ESPL1: variants seen among roughly 807,000 people sequenced by gnomAD.
ESPL1 encodes separin.
Under a neutral mutation model 217.2 loss-of-function variants are expected in ESPL1, and 50 were observed. The observed-to-expected ratio is 0.23, with a 90% CI of 0.18 to 0.29. The LOEUF (loss-of-function observed/expected upper bound fraction) is 0.29. Among genes scored for constraint, ESPL1 ranks in the 10% least tolerant of loss-of-function variants. ESPL1 has a pLI of 1.00. For synonymous variants in ESPL1, 994 were observed against 1,081.3 expected, an observed-to-expected ratio of 0.92 and a Z score of 1.58; for missense variants, 1,834 against 2,603.0, an observed-to-expected ratio of 0.70 and a Z score of 6.43.
Position 53,293,210 on chromosome 12 carries a change from G to T in ESPL1, c.6162-63G>T. The T allele has an allele frequency of 7.2e-7, 1 of 1,385,622 alleles. No homozygotes were observed. Among genetic ancestry groups the T allele is most frequent in the South Asian group, 1.2e-5 (1 of 85,832 alleles). 85.8% of individuals were successfully genotyped at this position (1,385,622 alleles called of 1,614,324 possible). On this transcript the variant is annotated intron_variant, in intron 30 of 30. Coordinates refer to ENST00000257934, the MANE Select transcript of ESPL1 (RefSeq NM_012291.5). The surrounding 1 kb of genome is among the most constrained non-coding windows in gnomAD (Gnocchi z 4.2). ...CACTCACCCACCCCCACCACCAATG[G>T]TGTTTTCCTATGTATTCTGTTTTAG...
Position 53,282,172 on chromosome 12 carries a change from T to G in ESPL1, c.2620-92T>G. The G allele has an allele frequency of 9.3e-7, 1 of 1,073,498 alleles. No homozygotes were observed. Among genetic ancestry groups the G allele is most frequent in the Non-Finnish European group, 1.4e-6 (1 of 710,044 alleles). 66.5% of individuals were successfully genotyped at this position (1,073,498 alleles called of 1,614,324 possible). On this transcript the variant is annotated intron_variant, in intron 13 of 30. Coordinates refer to ENST00000257934, the MANE Select transcript of ESPL1 (RefSeq NM_012291.5). This position sits in a 1 kb window ranked among gnomAD's most constrained non-coding sequence, Gnocchi z 4.0. ...TAAAATCTTTCTAATACCCAGGGCCTTCAGGGATGGGGCCACGTAATCTCC... is the reference window on the plus strand; with the variant it reads ...TAAAATCTTTCTAATACCCAGGGCCGTCAGGGATGGGGCCACGTAATCTCC...
In ESPL1 at chr12:53,269,875, G is replaced by A. The variant is rs994410896; in HGVS notation, c.933G>A (p.Val311=). The A allele has an allele frequency of 1.2e-6, 2 of 1,614,220 alleles. No individual in the cohort carries two copies. The highest frequency in any genetic ancestry group is 1.7e-6 in the Non-Finnish European group (2 of 1,180,042). ...TTGGGGAGGAAGGACCTCAGGCAGTGGCCAAGCTTCTGATCAAGGCATCAG... is the reference window on the plus strand; with the variant it reads ...TTGGGGAGGAAGGACCTCAGGCAGTAGCCAAGCTTCTGATCAAGGCATCAG... ...LQVGEEGPQA[V]AKLLIKASAV... The change falls in exon 3 of 31, where the codon GTG becomes GTA. Residue 311 remains valine, a synonymous_variant. Coordinates refer to ENST00000257934, the MANE Select transcript of ESPL1 (RefSeq NM_012291.5). The surrounding 1 kb of genome is among the most constrained non-coding windows in gnomAD (Gnocchi z 6.7).
intron 5 of ESPL1, among the ~76,000 whole-genome samples, chr12:53,271,760 A>G (rs1178394077): frequency 6.6e-6 from 1 of 152,194 alleles, no homozygotes; most frequent in Non-Finnish European, 1.5e-5. Flanking sequence ...GTTGATGGCC[A>G]AGAAGCTGCA....
intron 11 of ESPL1, among the ~76,000 whole-genome samples, chr12:53,278,334 C>T (rs1248502456): frequency 6.6e-6 from 1 of 151,724 alleles, no homozygotes; most frequent in African/African-American, 2.4e-5. Context: ...AAATATAGCC[C>T]GGTGCGGTGG....
At position 53,280,098 on chromosome 12, in the gene ESPL1, A is replaced by G. The variant is rs576323761; in HGVS notation, c.2499+232A>G. On this transcript the variant is annotated intron_variant, in intron 12 of 30. Transcript: ENST00000257934. ...AGTTTACAGACTGCTGCAGGAACCT[A>G]CCGCCAGTCTTGTATTTCCTAACTG... Among the ~76,000 whole-genome samples the G allele has an allele frequency of 3.3e-5, 5 of 152,138 alleles. No homozygotes were observed. The South Asian group carries it at 6.2e-4, about 19-fold the overall frequency.
intron 5 of ESPL1, among the ~76,000 whole-genome samples, chr12:53,271,245 C>A (rs1385682988): frequency 6.9e-6 from 1 of 145,240 alleles, no homozygotes; most frequent in African/African-American, 2.5e-5. Flanking sequence ...ACAATCACGG[C>A]TCAACACAGT....
At position 53,288,653 on chromosome 12, in the gene ESPL1, G is replaced by A. The variant is rs1326320899; in HGVS notation, c.4662G>A (p.Lys1554=). The change falls in exon 20 of 31, where the codon AAG becomes AAA. Residue 1554 remains lysine, a synonymous_variant. Coordinates refer to ENST00000257934, the MANE Select transcript of ESPL1 (RefSeq NM_012291.5). ...CATGCCCAGACAAGGAGAGTGACAA[G>A]GACCTTGGTCCTCGGCTCCGGCTCC... ...PSPCPDKESD[K]DLGPRLRLPS... The A allele has an allele frequency of 6.2e-7, 1 of 1,613,904 alleles. No homozygotes were observed. Among genetic ancestry groups the A allele is most frequent in the South Asian group, 1.1e-5 (1 of 91,072 alleles).
intron 6 of ESPL1, 76 bp downstream of exon 6, chr12:53,272,933 G>C: frequency 6.7e-7 from 1 of 1,503,642 alleles, no homozygotes. Context: ...GGCCTCACCA[G>C]CACCCTGCCT....
chr12:53,275,167 C>T (rs537136245), intron 7 of ESPL1, among the ~76,000 whole-genome samples, 157 bp downstream of exon 7: 3 of 151,964 alleles, frequency 2.0e-5, no homozygotes, highest in South Asian at 2.1e-4. Context: ...GGGCATTGGC[C>T]GTGCACAGTG....
chr12:53,293,612 C>T lies in ESPL1; in HGVS notation c.*138C>T, dbSNP rs1236462094. On this transcript the variant is annotated 3_prime_UTR_variant, in exon 31 of 31. Transcript: ENST00000257934. The surrounding 1 kb of genome is among the most constrained non-coding windows in gnomAD (Gnocchi z 4.2). ...GAAACATTTCCTTTTGATTTAACCT[C>T]AGTATAATAAAGATACATCATTTAA... The T allele has an allele frequency of 1.2e-5, 8 of 669,712 alleles. No homozygotes were observed. The highest frequency in any genetic ancestry group is 1.8e-5 in the Non-Finnish European group (7 of 392,488). The allele number at this position is 669,712 out of a possible 1,614,324, so 41.5% of individuals were successfully genotyped here.
rs1592486151 is a variant in ESPL1 at position 53,279,830 on chromosome 12, G to A, written c.2463G>A (p.Gln821=). The A allele has an allele frequency of 6.2e-7, 1 of 1,610,624 alleles. No individual in the cohort carries two copies. Among genetic ancestry groups the A allele is most frequent in the Non-Finnish European group, 8.5e-7 (1 of 1,178,178 alleles). Reference sequence around the variant, plus strand: ...CTGGCTCCTCCTGCCACATCACCCAGCTCCTCCTGACCCTCGGCTGTCCCA... The same window carrying A: ...CTGGCTCCTCCTGCCACATCACCCAACTCCTCCTGACCCTCGGCTGTCCCA... ...KAAGSSCHIT[Q]LLLTLGCPSY... The change falls in exon 12 of 31, where the codon CAG becomes CAA. Residue 821 remains glutamine, a synonymous_variant. Transcript: ENST00000257934.
At chr12:53,288,510 C>T in intron 19 of ESPL1, 28 bp from the exon 20 acceptor site, 1 of 1,592,466 alleles carries the variant, frequency 6.3e-7, no homozygotes, top group African/African-American at 1.4e-5. Flanking sequence ...GGAGGGAGCA[C>T]TGTGAAAAAG....
chr12:53,272,052 T>A (rs1014166414), intron 5 of ESPL1, among the ~76,000 whole-genome samples: 4 of 148,624 alleles, frequency 2.7e-5, no homozygotes, highest in Non-Finnish European at 5.9e-5. Context: ...GTGCCACTGC[T>A]CTCCAGTCTG....
At chr12:53,274,779 T>C (rs1462440031) in intron 6 of ESPL1, 38 bp from the exon 7 acceptor site, 4 of 1,530,606 alleles carry the variant, frequency 2.6e-6, no homozygotes, top group African/African-American at 1.4e-5. Context: ...CACTCACTGG[T>C]TCCTCTCCAG....
At position 53,272,836 on chromosome 12, in the gene ESPL1, T is replaced by C; in HGVS notation, c.1485T>C (p.Tyr495=). ...TGGGTTTGGTGAAGCCAGGCACTTA[T>C]CCCGAGGTGCCTCCTGAGAAGGTAC... The part of the protein sequence containing the change: ...QHLGLVKPGT[Y]PEVPPEKLHR... Residue 495 remains tyrosine (Y), a synonymous_variant, in exon 6 of 31, where the codon TAT becomes TAC. Transcript: ENST00000257934. 6.2e-7 allele frequency: 1 copy of C among 1,613,910 alleles called. No homozygotes were observed. The highest frequency in any genetic ancestry group is 8.5e-7 in the Non-Finnish European group (1 of 1,179,996).
chr12:53,286,521 A>G lies in ESPL1; in HGVS notation c.3785A>G (p.Glu1262Gly). The change falls in exon 18 of 31, where the codon GAG becomes GGG. Residue 1262 changes from glutamate (E) to glycine (G), a missense_variant. By Grantham distance (98) the Glu-to-Gly change is moderately conservative. Coordinates refer to ENST00000257934, the MANE Select transcript of ESPL1 (RefSeq NM_012291.5). The surrounding 1 kb of genome is among the most constrained non-coding windows in gnomAD (Gnocchi z 5.3). ...KFVAARIPHL[E>G]PWRASLLLIW... ...GTAGCAGCACGGATACCCCACCTAG[A>G]GCCCTGGCGAGCCAGCCTGCTCTTG... 1.2e-6 allele frequency: 2 copies of G among 1,614,116 alleles called. No individual in the cohort carries two copies.
chr12:53,283,164 C>T lies in ESPL1; in HGVS notation c.2827C>T (p.His943Tyr), dbSNP rs1425712726. The T allele has an allele frequency of 6.2e-7, 1 of 1,614,236 alleles. No homozygotes were observed. Among genetic ancestry groups the T allele is most frequent in the South Asian group, 1.1e-5 (1 of 91,080 alleles). The part of the protein sequence containing the change: ...QTPEIALIDS[H>Y]KLLRSIILLL... ...ACCTGAGATAGCTCTCATAGACTCC[C>T]ATAAGCTCCTCCGAAGCATCATCCT... Residue 943 changes from histidine to tyrosine, a missense_variant, in exon 15 of 31, where the codon CAT (histidine) becomes TAT (tyrosine). Coordinates refer to ENST00000257934, the MANE Select transcript of ESPL1 (RefSeq NM_012291.5).
Position 53,281,405 on chromosome 12 carries a change from C to T in ESPL1, c.2500-102C>T, listed in dbSNP as rs536480215. 48 of 1,224,534 alleles carry T rather than the reference C, an allele frequency of 3.9e-5. No homozygotes were observed. The South Asian group carries it at 6.7e-4, about 17-fold the overall frequency. The allele number at this position is 1,224,534 out of a possible 1,614,324, so 75.9% of individuals were successfully genotyped here. ...CCGCCCACCTTGGCCTCCCAAAGTG[C>T]TGGGATTACAGGTGTGAGCCACATG... On this transcript the variant is annotated intron_variant, in intron 12 of 30. Coordinates refer to ENST00000257934, the MANE Select transcript of ESPL1 (RefSeq NM_012291.5).
Position 53,287,999 on chromosome 12 carries a change from G to A in ESPL1, c.4204G>A (p.Glu1402Lys), listed in dbSNP as rs1167152288. 6.2e-7 allele frequency: 1 copy of A among 1,609,600 alleles called. No homozygotes were observed. The highest frequency in any genetic ancestry group is 1.7e-5 in the Admixed American group (1 of 59,698). The change falls in exon 19 of 31, where the codon GAA becomes AAA. Residue 1402 changes from glutamate to lysine, a missense_variant. Transcript: ENST00000257934. ...GAACTTCAGTGATGACAGTGACTTG[G>A]AAGACCCTGTCTCAGCTGAGGCCTG... ...KVNFSDDSDL[E>K]DPVSAEAWLA...
Sources: gnomAD v4.1 joint callset for allele counts (sites outside exome capture counted in the v4.1 genomes callset) on GRCh38, gnomAD v4.1.1 for gene constraint, Gnocchi (gnomAD v3.1) non-coding constraint, MANE v1.5 for transcripts, NCBI Gene and HGNC (gene_info 2026-07-23, HGNC 2026-07-21) for gene names.